EIF3A: variants seen among roughly 807,000 people sequenced by gnomAD.
The protein encoded by EIF3A is EIF3, p180 subunit.
Under a neutral mutation model 186.6 loss-of-function variants are expected in EIF3A, and 21 were observed. The ratio of observed to expected loss-of-function variants is 0.11; its 90% CI spans 0.08 to 0.16. EIF3A has a LOEUF of 0.16. Ranked by LOEUF, EIF3A falls within the 10% of genes least tolerant of loss-of-function variation. The pLI is 1.00. For missense variants in EIF3A, 1,306 were observed against 1,796.3 expected (o/e 0.73, Z 4.93); for synonymous variants, 563 against 584.3 (o/e 0.96, Z 0.52).
chr10:119,074,215 T>C (rs535138477), intron 1 of EIF3A, among the ~76,000 whole-genome samples: 1 of 152,238 alleles, frequency 6.6e-6, no homozygotes, highest in East Asian at 1.9e-4. Context: ...CCTGTAATCC[T>C]AGCAATTTGA....
chr10:119,055,775 A>C (rs1309203802), intron 14 of EIF3A, among the ~76,000 whole-genome samples: 1 of 152,182 alleles, frequency 6.6e-6, no homozygotes, highest in Non-Finnish European at 1.5e-5. Flanking sequence ...GGTAACAACA[A>C]ACACCATGGT....
intron 12 of EIF3A, 142 bp from the exon 13 acceptor site, chr10:119,057,182 C>T (rs1430217134): frequency 5.0e-6 from 3 of 602,908 alleles, no homozygotes; most frequent in Non-Finnish European, 8.7e-6. Flanking sequence ...AAATATTATA[C>T]AATAGCCTTA....
Position 119,037,327 on chromosome 10 carries a change from G to A in EIF3A, c.3729-18C>T, listed in dbSNP as rs777601762. 1.9e-5 allele frequency: 30 copies of A among 1,611,488 alleles called. No homozygotes were observed. The highest frequency in any genetic ancestry group is 2.2e-5 in the Non-Finnish European group (26 of 1,177,744). On this transcript the variant is annotated intron_variant, in intron 20 of 21. Coordinates refer to ENST00000369144, the MANE Select transcript of EIF3A (RefSeq NM_003750.4). ...CTTCATCCCTGTAGCCATTTACAAT[G>A]ACAGGTCAGGTTCTTACTGTTAGAC...
chr10:119,045,279 A>G (rs1266422892), intron 17 of EIF3A, among the ~76,000 whole-genome samples: 3 of 152,166 alleles, frequency 2.0e-5, no homozygotes, highest in Non-Finnish European at 2.9e-5. Flanking sequence ...TGTCTTGGCA[A>G]TGAAACTCTA....
At chr10:119,073,627 A>G (rs772984543) in intron 2 of EIF3A, 50 bp from the exon 3 acceptor site, 4 of 1,588,368 alleles carry the variant, frequency 2.5e-6, no homozygotes, top group East Asian at 2.2e-5. Flanking sequence ...CCATTGAACC[A>G]TAAGATGTTT....
At position 119,058,193 on chromosome 10, in the gene EIF3A, C is replaced by T. The variant is rs1157864578; in HGVS notation, c.1740G>A (p.Glu580=). ...GCTGAATATTCAGACTCTCAAGGCG[C>T]TCTTTTCTCTCCTCAATTGTCTGGC... ...ARRQTIEERK[E]RLESLNIQRE... Residue 580 remains glutamate, a synonymous_variant, in exon 12 of 22, where the codon GAG becomes GAA. Coordinates refer to ENST00000369144, the MANE Select transcript of EIF3A (RefSeq NM_003750.4). 8 of 1,613,900 alleles carry T rather than the reference C, an allele frequency of 5.0e-6. No homozygotes were observed. The African/African-American group carries it at 6.7e-5, about 13-fold the overall frequency.
chr10:119,069,241 CT>C (rs112633458), intron 6 of EIF3A, among the ~76,000 whole-genome samples: 2,455 of 152,286 alleles, frequency 0.016, 68 homozygotes, highest in African/African-American at 0.056. Context: ...GTGGTTGCTA[CT>C]GGCATCTAAT....
In EIF3A at chr10:119,035,128, T is replaced by C. The variant is rs1848110755; in HGVS notation, c.*911A>G. 6.6e-6 allele frequency: 1 copy of C among 152,518 alleles called. No individual in the cohort carries two copies. The highest frequency in any genetic ancestry group is 1.5e-5 in the Non-Finnish European group (1 of 68,012). The allele number at this position is 152,518 out of a possible 1,614,324, so 9.4% of individuals were successfully genotyped here. A position where few individuals can be genotyped will look rare whatever the true frequency, so the allele number is the denominator to read the frequency against. ...CTTCAATGAGACCAAATAGTTCATC[T>C]TTAACATAGCTACTGCGCTCCAAAA... is the stretch of plus-strand genomic sequence containing the variant. On this transcript the variant is annotated 3_prime_UTR_variant, in exon 22 of 22. Transcript: ENST00000369144.
At position 119,065,617 on chromosome 10, in the gene EIF3A, T is replaced by C. The variant is rs1843960207; in HGVS notation, c.951-47A>G. 3.6e-6 allele frequency: 5 copies of C among 1,396,448 alleles called. No homozygotes were observed. In the Middle Eastern group the frequency reaches 7.2e-4, roughly 202 times the overall value. The allele number at this position is 1,396,448 out of a possible 1,614,324, so 86.5% of individuals were successfully genotyped here. ...ATCTGTTAGGTTTGTAAATGATACTTGGTAAGCAGAAAAGCACTTCTCTTT... is the reference window on the plus strand; with the variant it reads ...ATCTGTTAGGTTTGTAAATGATACTCGGTAAGCAGAAAAGCACTTCTCTTT... On this transcript the variant is annotated intron_variant, in intron 6 of 21. Coordinates refer to ENST00000369144, the MANE Select transcript of EIF3A (RefSeq NM_003750.4).
chr10:119,050,165 A>G (rs1848337278), intron 16 of EIF3A, among the ~76,000 whole-genome samples, 180 bp from the exon 17 acceptor site: 1 of 152,138 alleles, frequency 6.6e-6, no homozygotes, highest in Admixed American at 6.5e-5. Context: ...CCCCTCAACT[A>G]TAGTTTTGTA....
In EIF3A at chr10:119,051,323, T is replaced by C; in HGVS notation, c.2197-2A>G. Reference sequence around the variant, plus strand: ...ACGTTCTAGCTGCATTGTAGTAATCTGCAAGTACAAATATTGTGAAATTTC... The same window carrying C: ...ACGTTCTAGCTGCATTGTAGTAATCCGCAAGTACAAATATTGTGAAATTTC... On this transcript the variant is annotated splice_acceptor_variant, in intron 14 of 21. Coordinates refer to ENST00000369144, the MANE Select transcript of EIF3A (RefSeq NM_003750.4). LOFTEE classifies it high-confidence loss of function. The C allele has an allele frequency of 6.3e-7, 1 of 1,578,128 alleles. No homozygotes were observed.
At chr10:119,059,422 T>TTAAA in intron 10 of EIF3A, 25 bp from the exon 11 acceptor site, 3 of 1,504,642 alleles carry the variant, frequency 2.0e-6, no homozygotes, top group Non-Finnish European at 2.7e-6. Context: ...TTATCAATGG[T>TTAAA]TAAATCCACA....
chr10:119,080,524 T>C, intron 1 of EIF3A, 104 bp downstream of exon 1: 1 of 1,437,752 alleles, frequency 7.0e-7, no homozygotes, highest in Non-Finnish European at 9.1e-7. Context: ...CGGTCTCCTC[T>C]CCCCGCGCGG....
At position 119,080,728 on chromosome 10, in the gene EIF3A, G is replaced by C; in HGVS notation, c.-52C>G. On this transcript the variant is annotated 5_prime_UTR_variant, in exon 1 of 22. Transcript: ENST00000369144. ...CGTCAGCGAACTCTCTAGTGGCCCG[G>C]GCCGGGAGAGGAGACGAAGGGGAAC... 6.4e-7 allele frequency: 1 copy of C among 1,553,176 alleles called. No homozygotes were observed. The highest frequency in any genetic ancestry group is 8.7e-7 in the Non-Finnish European group (1 of 1,150,318).
intron 17 of EIF3A, among the ~76,000 whole-genome samples, chr10:119,045,839 T>C (rs1354573423): frequency 6.6e-6 from 1 of 152,136 alleles, no homozygotes; most frequent in African/African-American, 2.4e-5. Flanking sequence ...AGTGCTGAGA[T>C]TATAGGCGTG....
rs1844100206 is a variant in EIF3A at position 119,072,808 on chromosome 10, G to A, written c.541+82C>T. ...AACATTTCAATAAGGATAAAAACTA[G>A]TTCATTTTAAGTACTTTTCAGAAAA... On this transcript the variant is annotated intron_variant, in intron 4 of 21. Coordinates refer to ENST00000369144, the MANE Select transcript of EIF3A (RefSeq NM_003750.4). 4 of 1,479,584 alleles carry A rather than the reference G, an allele frequency of 2.7e-6. 1 individual carries two copies. The South Asian group carries it at 4.0e-5, about 15-fold the overall frequency. 91.7% of individuals were successfully genotyped at this position (1,479,584 alleles called of 1,614,324 possible).
Position 119,073,768 on chromosome 10 carries a change from C to T in EIF3A, c.219G>A (p.Gln73=), listed in dbSNP as rs1409729202. The change falls in exon 2 of 22, where the codon CAG becomes CAA. Residue 73 remains glutamine (Q), a synonymous_variant. Coordinates refer to ENST00000369144, the MANE Select transcript of EIF3A (RefSeq NM_003750.4). The part of the protein sequence containing the change: ...KSHLAKEGLY[Q]YKNICQQVNI... ...GTACCTGTTGACAAATGTTCTTATACTGGTATAACCCCTCCTTTGCCAAGT... is the reference window on the plus strand; with the variant it reads ...GTACCTGTTGACAAATGTTCTTATATTGGTATAACCCCTCCTTTGCCAAGT... The T allele has an allele frequency of 4.4e-6, 7 of 1,602,272 alleles. No individual in the cohort carries two copies. Among genetic ancestry groups the T allele is most frequent in the Non-Finnish European group, 6.0e-6 (7 of 1,175,332 alleles).
At chr10:119,041,005 C>CAAAA (rs34452005) in intron 19 of EIF3A, among the ~76,000 whole-genome samples, 4 of 78,706 alleles carry the variant, frequency 5.1e-5, no homozygotes, top group Non-Finnish European at 9.3e-5. Flanking sequence ...ACTCCGTCTC[C>CAAAA]AAAAAAAAAA....
intron 17 of EIF3A, among the ~76,000 whole-genome samples, chr10:119,044,788 C>G (rs1473399029): frequency 1.3e-5 from 2 of 152,144 alleles, no homozygotes; most frequent in East Asian, 3.9e-4. Flanking sequence ...GCAAAACTTG[C>G]AGTTACCCAA....
Sources: gnomAD v4.1 joint callset for allele counts (sites outside exome capture counted in the v4.1 genomes callset) on GRCh38, gnomAD v4.1.1 for gene constraint, MANE v1.5 for transcripts, NCBI Gene and HGNC (gene_info 2026-07-23, HGNC 2026-07-21) for gene names.